AFF3: variants seen among roughly 807,000 people sequenced by gnomAD.
AFF3 encodes ALF transcription elongation factor 3, also known as AF4/FMR2 family member 3.
In AFF3, 32 loss-of-function variants were observed where a neutral mutation model predicts 129.7. The ratio of observed to expected loss-of-function variants is 0.25; its 90% CI spans 0.19 to 0.33. The LOEUF is 0.33. AFF3 is among the 10% of genes least tolerant of loss of function. AFF3 has a pLI of 1.00. For synonymous variants in AFF3, 644 were observed against 635.4 expected (o/e 1.01, Z -0.20); for missense variants, 1,373 against 1,592.0 (o/e 0.86, Z 2.34).
At chr2:99,841,655 A>C (rs529769926) in intron 7 of AFF3, among the ~76,000 whole-genome samples, 1 of 152,310 alleles carries the variant, frequency 6.6e-6, no homozygotes, top group Admixed American at 6.5e-5. Flanking sequence ...TATCGTAGAA[A>C]ATCTGAATGG....
intron 4 of AFF3, among the ~76,000 whole-genome samples, chr2:100,017,616 G>A (rs1414010241): frequency 6.6e-6 from 1 of 152,100 alleles, no homozygotes; most frequent in African/African-American, 2.4e-5. Flanking sequence ...TAATTTTCTG[G>A]GTCTATGTCA....
At chr2:99,987,835 T>C (rs905795663) in intron 7 of AFF3, among the ~76,000 whole-genome samples, 4 of 152,238 alleles carry the variant, frequency 2.6e-5, no homozygotes, top group African/African-American at 9.6e-5. Context: ...AGTGTATTAT[T>C]TTCTCAATCT....
chr2:99,553,358 C>T (rs543212029), intron 24 of AFF3, among the ~76,000 whole-genome samples: 1 of 152,298 alleles, frequency 6.6e-6, no homozygotes, highest in East Asian at 1.9e-4. Context: ...TGCACTCTGC[C>T]ATACATTCCT....
chr2:99,891,161 T>C (rs1693521064), intron 7 of AFF3, among the ~76,000 whole-genome samples: 1 of 151,998 alleles, frequency 6.6e-6, no homozygotes, highest in African/African-American at 2.4e-5. Context: ...AGGTTTAGGA[T>C]TGGCTATTTG....
At chr2:99,955,776 T>C (rs916667672) in intron 7 of AFF3, among the ~76,000 whole-genome samples, 3 of 152,250 alleles carry the variant, frequency 2.0e-5, no homozygotes, top group Non-Finnish European at 2.9e-5. Flanking sequence ...CACTGTTCCA[T>C]GAAATCATTC....
At chr2:100,064,422 G>C (rs1687556979) in intron 4 of AFF3, among the ~76,000 whole-genome samples, 1 of 152,100 alleles carries the variant, frequency 6.6e-6, no homozygotes, top group African/African-American at 2.4e-5. Flanking sequence ...CAATGGGCAA[G>C]GAAAGTCTTA....
chr2:99,785,444 C>T lies in AFF3; in HGVS notation c.922-33143G>A, dbSNP rs530411683. Reference sequence around the variant, plus strand: ...CTCCAAAAATTACCTGTAAAGGTTACAACTACCAGAGACAGGAAGATTAGC... The same window carrying T: ...CTCCAAAAATTACCTGTAAAGGTTATAACTACCAGAGACAGGAAGATTAGC... On this transcript the variant is annotated intron_variant, in intron 8 of 24. Transcript: ENST00000672756. Among the ~76,000 whole-genome samples, 12 of 152,274 alleles carry T rather than the reference C, an allele frequency of 7.9e-5. No individual in the cohort carries two copies. In the South Asian group the frequency reaches 2.5e-3, roughly 32 times the overall value.
At chr2:100,016,253 T>C (rs1322453017) in intron 4 of AFF3, among the ~76,000 whole-genome samples, 1 of 149,942 alleles carries the variant, frequency 6.7e-6, no homozygotes, top group African/African-American at 2.5e-5. Flanking sequence ...GTGATGGCAG[T>C]GGTAGTGGTG....
chr2:100,012,053 C>T (rs1682595918), intron 4 of AFF3, among the ~76,000 whole-genome samples: 1 of 152,114 alleles, frequency 6.6e-6, no homozygotes. Flanking sequence ...TGAAGTTCTA[C>T]CCGCATAACC....
At position 99,676,293 on chromosome 2, in the gene AFF3, C is replaced by T. The variant is rs543158379; in HGVS notation, c.1092-3704G>A. Among the ~76,000 whole-genome samples, 7 of 152,256 alleles carry T rather than the reference C, an allele frequency of 4.6e-5. 1 individual carries two copies. Among genetic ancestry groups the T allele is most frequent in the South Asian group, 4.1e-4 (2 of 4,824 alleles). ...TCTCATTGTTTAAGGGATGTCCGTC[C>T]GTAGCAGACCAGCTAAGTACTTTCT... is the stretch of plus-strand genomic sequence containing the variant. On this transcript the variant is annotated intron_variant, in intron 11 of 24. Coordinates refer to ENST00000672756, the MANE Select transcript of AFF3 (RefSeq NM_001386135.1).
intron 13 of AFF3, among the ~76,000 whole-genome samples, chr2:99,603,182 G>C (rs1334332658): frequency 6.6e-6 from 1 of 151,988 alleles, no homozygotes; most frequent in Non-Finnish European, 1.5e-5. Context: ...ACAGAGTAGG[G>C]CAAGGCACAG....
rs1232652557 is a variant in AFF3 at position 99,547,801 on chromosome 2, TG to T, written c.*3672del. 2 of 210,548 alleles carry T rather than the reference TG, an allele frequency of 9.5e-6. No individual in the cohort carries two copies. Among genetic ancestry groups the T allele is most frequent in the African/African-American group, 4.5e-5 (2 of 44,148 alleles). The allele number at this position is 210,548 out of a possible 1,614,324, so 13.0% of individuals were successfully genotyped here. ...TTATACAAACTGTGTATATTATGTATGGGGTGTCAGAAATGTACACATCACT... is the reference window on the plus strand; with the variant it reads ...TTATACAAACTGTGTATATTATGTATGGGTGTCAGAAATGTACACATCACT... On this transcript the variant is annotated 3_prime_UTR_variant, in exon 25 of 25. Coordinates refer to ENST00000672756, the MANE Select transcript of AFF3 (RefSeq NM_001386135.1).
chr2:99,567,171 G>C (rs1431521865), intron 19 of AFF3, among the ~76,000 whole-genome samples: 2 of 149,994 alleles, frequency 1.3e-5, no homozygotes, highest in Non-Finnish European at 3.0e-5. Flanking sequence ...GTAGAAACAG[G>C]GTTTCACCAT....
chr2:99,979,651 A>T (rs1272706289), intron 7 of AFF3, among the ~76,000 whole-genome samples: 1 of 151,946 alleles, frequency 6.6e-6, no homozygotes, highest in Non-Finnish European at 1.5e-5. Context: ...GCTAATTTTT[A>T]AATTTTAACT....
intron 7 of AFF3, among the ~76,000 whole-genome samples, chr2:99,888,395 T>C (rs1446645398): frequency 6.6e-6 from 1 of 152,232 alleles, no homozygotes; most frequent in Non-Finnish European, 1.5e-5. Context: ...AAATAGCATT[T>C]CGTTTTCTGC....
intron 2 of AFF3, chr2:100,112,300 A>G (rs1691542509): frequency 6.6e-6 from 1 of 152,248 alleles, no homozygotes; most frequent in African/African-American, 2.4e-5. Context: ...AGGGAGCTTC[A>G]TAAAGAAGCT....
At chr2:99,584,336 C>T (rs538060992) in intron 16 of AFF3, among the ~76,000 whole-genome samples, 337 of 152,160 alleles carry the variant, frequency 2.2e-3, no homozygotes, top group African/African-American at 7.7e-3. Flanking sequence ...GGTGTGGTGG[C>T]GCATGCCTGT....
At chr2:99,845,592 T>C (rs1306149119) in intron 7 of AFF3, among the ~76,000 whole-genome samples, 1 of 152,210 alleles carries the variant, frequency 6.6e-6, no homozygotes, top group African/African-American at 2.4e-5. Context: ...GAAGAAACCA[T>C]GTTACAGGGC....
rs1575311787 is a variant in AFF3, at chr2:99,546,697, C to T, written c.*4777G>A. ...TGTCAAGCCACTGGTCTAATGCCTC[C>T]GTCTTCTTTAGTTCAAAATTATCTT... On this transcript the variant is annotated 3_prime_UTR_variant, in exon 25 of 25. Transcript: ENST00000672756. The T allele has an allele frequency of 1.3e-5, 3 of 228,644 alleles. No homozygotes were observed. The highest frequency in any genetic ancestry group is 2.6e-5 in the Non-Finnish European group (3 of 115,282). The allele number at this position is 228,644 out of a possible 1,614,324, so 14.2% of individuals were successfully genotyped here. A position where few individuals can be genotyped will look rare whatever the true frequency, so the allele number is the denominator to read the frequency against.
Sources: allele counts gnomAD v4.1 joint callset (sites outside exome capture counted in the v4.1 genomes callset), GRCh38; gene constraint gnomAD v4.1.1; transcripts MANE v1.5; gene names NCBI Gene and HGNC (gene_info 2026-07-23, HGNC 2026-07-21).